Variants in RAD51 observed in about 807,000 individuals in gnomAD.
RAD51 encodes RAD51 recombinase, also known as DNA repair protein RAD51 homolog 1.
RAD51 carries 14 observed loss-of-function variants against 41.5 expected under a neutral mutation model. The observed-to-expected ratio is 0.34, with a 90% confidence interval of 0.22 to 0.53. The LOEUF (loss-of-function observed/expected upper bound fraction) is 0.53, where lower values mean the gene tolerates loss of function less well. RAD51 is among the 20% of genes least tolerant of loss of function. The probability of loss-of-function intolerance (pLI) is 0.95; values close to 1 mark genes in which losing one functional copy is unlikely to be tolerated. For synonymous variants in RAD51, 136 were observed against 148.6 expected, an observed-to-expected ratio of 0.92 and a Z score of 0.62; for missense variants, 234 against 422.0, an observed-to-expected ratio of 0.55 and a Z score of 3.90.
At chr15:40,730,206 CCT>C (rs1347718079) in intron 9 of RAD51, among the ~76,000 whole-genome samples, 18 of 152,176 alleles carry the variant, frequency 1.2e-4, no homozygotes, top group Admixed American at 3.3e-4. Flanking sequence ...ATGCCTCTCC[CCT>C]GTTATTTAAA....
At chr15:40,716,199 G>A (rs7182066) in intron 5 of RAD51, among the ~76,000 whole-genome samples, 3,995 of 152,164 alleles carry the variant, frequency 0.026, 172 homozygotes, top group African/African-American at 0.092. Flanking sequence ...AATCCCATAA[G>A]GTCGGTTTTA....
At chr15:40,726,731 G>A (rs924462839) in intron 6 of RAD51, among the ~76,000 whole-genome samples, 10 of 151,842 alleles carry the variant, frequency 6.6e-5, no homozygotes, top group African/African-American at 2.4e-4. Flanking sequence ...TGGCTAACAT[G>A]GTGAAACCCC....
chr15:40,722,433 A>T (rs75461831), intron 6 of RAD51, among the ~76,000 whole-genome samples: 4 of 150,512 alleles, frequency 2.7e-5, no homozygotes, highest in Non-Finnish European at 5.9e-5. Context: ...AAAAAAAAAA[A>T]GGACAAAAAC....
rs1491364832 is a variant in RAD51, at chr15:40,724,672, TTC to T, written c.531-4037_531-4036del. On this transcript the variant is annotated intron_variant, in intron 6 of 9. Transcript: ENST00000267868. ...CACCAAGCCCAGCTAATTTTTTTAT[TTC>T]TTTTTTTTTTTTTTTTTTTTTTTGA... 5.4e-4 allele frequency among the ~76,000 whole-genome samples: 58 copies of T among 107,008 alleles called. 4 individuals are homozygous for T. The highest frequency in any genetic ancestry group is 8.8e-4 in the Non-Finnish European group (47 of 53,504). The allele number at this position is 107,008 out of a possible 152,430, so 70.2% of individuals were successfully genotyped here. A position where few individuals can be genotyped will look rare whatever the true frequency, so the allele number is the denominator to read the frequency against.
intron 5 of RAD51, among the ~76,000 whole-genome samples, chr15:40,717,198 C>T (rs1255212018): frequency 2.0e-5 from 3 of 151,790 alleles, no homozygotes; most frequent in Non-Finnish European, 4.4e-5. Flanking sequence ...ATTAGCCGGG[C>T]GTGGTGGTGC....
intron 6 of RAD51, among the ~76,000 whole-genome samples, chr15:40,726,855 A>G (rs879918891): frequency 2.7e-5 from 4 of 150,572 alleles, no homozygotes; most frequent in East Asian, 2.0e-4. Context: ...GGAACTTGCA[A>G]TGAGCCGAGA....
chr15:40,700,679 C>T (rs1894926010), intron 2 of RAD51, among the ~76,000 whole-genome samples: 1 of 151,942 alleles, frequency 6.6e-6, no homozygotes, highest in Non-Finnish European at 1.5e-5. Context: ...TATTAAGTAC[C>T]TCATATATAG....
At chr15:40,700,505 A>C (rs1470968375) in intron 2 of RAD51, among the ~76,000 whole-genome samples, 2 of 152,188 alleles carry the variant, frequency 1.3e-5, no homozygotes, top group Admixed American at 6.6e-5. Flanking sequence ...ACTGTCTTAA[A>C]GTGGTCTTGT....
chr15:40,707,375 C>G (rs950509204), intron 4 of RAD51, among the ~76,000 whole-genome samples: 6 of 151,476 alleles, frequency 4.0e-5, no homozygotes, highest in Admixed American at 1.3e-4. Context: ...GGCATAATCT[C>G]AGCTCACTGC....
In RAD51 at chr15:40,706,200, A is replaced by G; in HGVS notation, c.249A>G (p.Pro83=). The G allele has an allele frequency of 6.2e-7, 1 of 1,614,056 alleles. No individual in the cohort carries two copies. Among genetic ancestry groups the G allele is most frequent in the Non-Finnish European group, 8.5e-7 (1 of 1,179,934 alleles). The change falls in exon 4 of 10, where the codon CCA becomes CCG. Residue 83 remains proline (P), a synonymous_variant. Coordinates refer to ENST00000267868, the MANE Select transcript of RAD51 (RefSeq NM_002875.5). The stretch of plus-strand genomic sequence containing the variant: ...AGGCTGAGGCAGCTAAATTAGTTCC[A>G]ATGGGTTTCACCACTGCAACTGAAT... ...KILAEAAKLV[P]MGFTTATEFH... is the part of the protein sequence containing the mutation.
chr15:40,701,851 T>C (rs1292273720), intron 3 of RAD51: 4 of 377,130 alleles, frequency 1.1e-5, no homozygotes, highest in Non-Finnish European at 2.1e-5. Flanking sequence ...TAGCGTGATC[T>C]TGGTCTACTG....
chr15:40,724,985 C>T (rs1173779909), intron 6 of RAD51, among the ~76,000 whole-genome samples: 13 of 149,114 alleles, frequency 8.7e-5, no homozygotes, highest in Admixed American at 2.7e-4. Context: ...CTGCAAGCTC[C>T]GCTTCCCGGG....
upstream of RAD51, chr15:40,694,804 C>G (rs1172072555): frequency 3.9e-5 from 6 of 152,308 alleles, no homozygotes; most frequent in African/African-American, 4.8e-5. Context: ...ATCTGGTAAA[C>G]AGAAGACGGC....
At chr15:40,697,257 C>T (rs1004422666) in intron 1 of RAD51, among the ~76,000 whole-genome samples, 2 of 152,090 alleles carry the variant, frequency 1.3e-5, no homozygotes, top group African/African-American at 2.4e-5. Context: ...TGTGCCACCA[C>T]GCCCAGCTAA....
At chr15:40,727,123 A>T (rs1299531815) in intron 6 of RAD51, among the ~76,000 whole-genome samples, 2 of 150,956 alleles carry the variant, frequency 1.3e-5, no homozygotes, top group African/African-American at 2.4e-5. Context: ...TTAATTTTTA[A>T]TTTTTTTTTA....
rs534536212 is a variant in RAD51 at position 40,720,343 on chromosome 15, A to G, written c.530+1444A>G. On this transcript the variant is annotated intron_variant, in intron 6 of 9. Transcript: ENST00000267868. ...GTGATCTGCCTGCCTTGGCCTCCCA[A>G]AAGTGCTGGGATTACAGGTGTGAGC... 3.3e-5 allele frequency among the ~76,000 whole-genome samples: 5 copies of G among 151,002 alleles called. No individual in the cohort carries two copies. The East Asian group carries it at 5.8e-4, about 18-fold the overall frequency.
intron 6 of RAD51, among the ~76,000 whole-genome samples, chr15:40,726,286 C>A (rs1316402573): frequency 6.8e-6 from 1 of 147,552 alleles, no homozygotes; most frequent in Non-Finnish European, 1.5e-5. Flanking sequence ...TCTTGTCTCC[C>A]AGGCTGCCAG....
rs1323522257 is a variant in RAD51, at chr15:40,730,946, C to A, written c.897-109C>A. The A allele has an allele frequency of 1.9e-5, 27 of 1,388,988 alleles. No homozygotes were observed. In the East Asian group the frequency reaches 6.0e-4, roughly 31 times the overall value. 86.0% of individuals were successfully genotyped at this position (1,388,988 alleles called of 1,614,324 possible). A position where few individuals can be genotyped will look rare whatever the true frequency, so the allele number is the denominator to read the frequency against. ...AACAGTACAGAAACATTCCCAGGGTCCTTCTAGGAAGAATATATGTCTAAA... is the reference window on the plus strand; with the variant it reads ...AACAGTACAGAAACATTCCCAGGGTACTTCTAGGAAGAATATATGTCTAAA... On this transcript the variant is annotated intron_variant, in intron 9 of 9. Transcript: ENST00000267868.
Position 40,730,716 on chromosome 15 carries a change from GT to G in RAD51, c.897-336del, listed in dbSNP as rs1309440787. On this transcript the variant is annotated intron_variant, in intron 9 of 9. Transcript: ENST00000267868. ...TTTTTGTATTTTTAGTAGAGATGGG[GT>G]TTCACAGTGTTAGCCAGGATGGTCT... Among the ~76,000 whole-genome samples, 14 of 151,564 alleles carry G rather than the reference GT, an allele frequency of 9.2e-5. No individual in the cohort carries two copies. In the South Asian group the frequency reaches 2.9e-3, roughly 32 times the overall value.
Sources: allele counts gnomAD v4.1 joint callset (sites outside exome capture counted in the v4.1 genomes callset), GRCh38; gene constraint gnomAD v4.1.1; transcripts MANE v1.5; gene names NCBI Gene and HGNC (gene_info 2026-07-23, HGNC 2026-07-21).